Variants in ZNF821 observed in about 807,000 individuals in gnomAD.
ZNF821 encodes zinc finger protein 821.
A neutral mutation model predicts 44.3 loss-of-function variants in ZNF821; 16 were observed. That is an observed-to-expected ratio of 0.36 (90% confidence interval 0.24 to 0.55). ZNF821 has a LOEUF of 0.55. ZNF821 is among the 20% of genes least tolerant of loss of function. The pLI is 0.86. For synonymous variants in ZNF821, 204 were observed against 197.6 expected (o/e 1.03, Z -0.27); for missense variants, 436 against 547.6 (o/e 0.80, Z 2.03).
At chr16:71,892,208 A>AAAGAATC in intron 1 of ZNF821, among the ~76,000 whole-genome samples, 1 of 145,526 alleles carries the variant, frequency 6.9e-6, no homozygotes, top group Non-Finnish European at 1.5e-5. Context: ...AAAAAAAAAA[A>AAAGAATC]AAGAATCATG....
chr16:71,886,076 T>C (rs2036843916), upstream of ZNF821, among the ~76,000 whole-genome samples: 1 of 152,234 alleles, frequency 6.6e-6, no homozygotes, highest in Non-Finnish European at 1.5e-5. Context: ...ATTTCTTGGA[T>C]GCATTATTAT....
At chr16:71,888,872 T>C (rs2036871702), upstream of ZNF821, among the ~76,000 whole-genome samples, 1 of 152,214 alleles carries the variant, frequency 6.6e-6, no homozygotes, top group African/African-American at 2.4e-5. Flanking sequence ...TGTGATTTAA[T>C]GCATTTTATT....
rs1228646483 is a variant in ZNF821 at position 71,868,020 on chromosome 16, C to T, written c.58G>A (p.Gly20Arg). 1 of 1,535,478 alleles carries T rather than the reference C, an allele frequency of 6.5e-7. No individual in the cohort carries two copies. Among genetic ancestry groups the T allele is most frequent in the Non-Finnish European group, 8.7e-7 (1 of 1,146,680 alleles). Residue 20 changes from glycine to arginine, a missense_variant, in exon 4 of 8, where the codon GGG becomes AGG. Gly to Arg is a moderately radical substitution (Grantham distance 125). This residue lies in a region of ZNF821 where 238 missense variants were observed against 281.4 expected (regional missense o/e 0.85). Coordinates refer to ENST00000425432, the MANE Select transcript of ZNF821 (RefSeq NM_001201552.2). Reference sequence around the variant, plus strand: ...GCCTGGCGGGCTTGCTCTTCTAGCCCAGCAAATACTTGATCCCCTGGTGGT... The same window carrying T: ...GCCTGGCGGGCTTGCTCTTCTAGCCTAGCAAATACTTGATCCCCTGGTGGT... ...NKVHWDQVFAGLEEQARQAMM... is the reference protein window; with the variant it reads ...NKVHWDQVFARLEEQARQAMM...
In ZNF821 at chr16:71,860,144, A is replaced by T; in HGVS notation, c.1113T>A (p.Pro371=). ...CAGCTGCTAAGGCTGCCATGGCAGA[A>T]GGGTCCTGGCCAAACTGAGCTCGCA... ...MMLRAQFGQD[P]SAMAALAAEM... The change falls in exon 8 of 8, where the codon CCT becomes CCA. Residue 371 remains proline (P), a synonymous_variant. Transcript: ENST00000425432. The surrounding 1 kb of genome is among the most constrained non-coding windows in gnomAD (Gnocchi z 7.3). The T allele has an allele frequency of 6.2e-7, 1 of 1,614,232 alleles. No homozygotes were observed.
At chr16:71,863,018 C>T (rs563330899) in intron 6 of ZNF821, among the ~76,000 whole-genome samples, 233 of 152,218 alleles carry the variant, frequency 1.5e-3, no homozygotes, top group Non-Finnish European at 2.1e-3. Flanking sequence ...CTCAGCTTCC[C>T]GAGTAGCTGG....
At chr16:71,862,402 G>C (rs2034000327) in intron 6 of ZNF821, among the ~76,000 whole-genome samples, 1 of 152,214 alleles carries the variant, frequency 6.6e-6, no homozygotes. Flanking sequence ...TTGAACCTGA[G>C]AGGTGGAGTT....
At chr16:71,891,901 C>T (rs1325038348) in intron 1 of ZNF821, among the ~76,000 whole-genome samples, 2 of 148,704 alleles carry the variant, frequency 1.3e-5, no homozygotes, top group Non-Finnish European at 3.0e-5. Context: ...GAGGCTGAGG[C>T]AGCAGAATCG....
chr16:71,877,952 A>G (rs1043880536), intron 3 of ZNF821, among the ~76,000 whole-genome samples: 17 of 146,740 alleles, frequency 1.2e-4, no homozygotes, highest in African/African-American at 4.2e-4. Flanking sequence ...ATAAAAAAAT[A>G]AAATATATAT....
chr16:71,894,923 T>G (rs2036931924), exon 1 of ZNF821: 2 of 1,153,862 alleles, frequency 1.7e-6, no homozygotes, highest in South Asian at 2.6e-5. Context: ...GAGACTGTGG[T>G]GCTGAGGAAA....
At chr16:71,879,643 T>A (rs2036216665) in intron 3 of ZNF821, among the ~76,000 whole-genome samples, 1 of 152,176 alleles carries the variant, frequency 6.6e-6, no homozygotes, top group Admixed American at 6.5e-5. Context: ...TAATGTGATA[T>A]TAAAGATATA....
chr16:71,886,818 A>G (rs552546767), upstream of ZNF821, among the ~76,000 whole-genome samples: 4 of 152,162 alleles, frequency 2.6e-5, no homozygotes, highest in Non-Finnish European at 5.9e-5. Context: ...GCAGTAACTC[A>G]CCATTCTCCC....
intron 1 of ZNF821, 49 bp downstream of exon 1, chr16:71,883,859 G>C (rs2036695274): frequency 6.5e-6 from 1 of 152,774 alleles, no homozygotes; most frequent in South Asian, 2.1e-4. Flanking sequence ...GGGGCGAGGA[G>C]CCCGCATCCC....
rs763783028 is a variant in ZNF821, at chr16:71,860,593, C to A, written c.664G>T (p.Asp222Tyr). The change falls in exon 8 of 8, where the codon GAT (aspartate) becomes TAT (tyrosine). Residue 222 changes from aspartate to tyrosine, a missense_variant. By Grantham distance (160) the Asp-to-Tyr change is radical. This residue lies in a region of ZNF821 where 238 missense variants were observed against 281.4 expected (regional missense o/e 0.85). Transcript: ENST00000425432. This position sits in a 1 kb window ranked among gnomAD's most constrained non-coding sequence, Gnocchi z 7.3. Reference protein sequence around the residue: ...NEGPSSAEGKDIAFSPPVYPA... With the variant: ...NEGPSSAEGKYIAFSPPVYPA... Reference sequence around the variant, plus strand: ...TACACTGGAGGACTAAAGGCAATATCCTTCCCCTCAGCACTGGAGGGACCC... The same window carrying A: ...TACACTGGAGGACTAAAGGCAATATACTTCCCCTCAGCACTGGAGGGACCC... 6 of 1,614,130 alleles carry A rather than the reference C, an allele frequency of 3.7e-6. No individual in the cohort carries two copies. The South Asian group carries it at 6.6e-5, about 18-fold the overall frequency.
At chr16:71,886,351 A>G (rs903154698), upstream of ZNF821, among the ~76,000 whole-genome samples, 1 of 152,226 alleles carries the variant, frequency 6.6e-6, no homozygotes, top group Non-Finnish European at 1.5e-5. Flanking sequence ...CTTGGGCCAC[A>G]TAGTGAAACC....
chr16:71,877,997 C>T (rs2036016030), intron 3 of ZNF821, among the ~76,000 whole-genome samples: 1 of 147,034 alleles, frequency 6.8e-6, no homozygotes, highest in Admixed American at 6.8e-5. Flanking sequence ...TATATATATA[C>T]ACACATATAT....
At chr16:71,884,298 G>A (rs952335303), upstream of ZNF821, 4 of 151,866 alleles carry the variant, frequency 2.6e-5, no homozygotes, top group East Asian at 7.8e-4. Context: ...CTGAGGAGAG[G>A]GGCTCTGGAG....
intron 1 of ZNF821, chr16:71,894,605 A>T: frequency 2.0e-6 from 1 of 490,750 alleles, no homozygotes; most frequent in Non-Finnish European, 3.7e-6. Flanking sequence ...GGTTTACTGC[A>T]GCAGCGACCT....
At chr16:71,863,554 T>C (rs1178267617) in intron 6 of ZNF821, among the ~76,000 whole-genome samples, 1 of 151,984 alleles carries the variant, frequency 6.6e-6, no homozygotes, top group Non-Finnish European at 1.5e-5. Context: ...GCCCAACTAA[T>C]TTAAAAAAAA....
Position 71,882,176 on chromosome 16 carries a change from A to G in ZNF821, c.-78+1035T>C, listed in dbSNP as rs530977607. ...TCTCAGCTACTCAGGAGGTTGAGGCAGGGAATTGCTTGAACCCGGGAGGCG... is the reference window on the plus strand; with the variant it reads ...TCTCAGCTACTCAGGAGGTTGAGGCGGGGAATTGCTTGAACCCGGGAGGCG... On this transcript the variant is annotated intron_variant, in intron 2 of 7. Transcript: ENST00000425432. 296 of 151,250 alleles carry G rather than the reference A, an allele frequency of 2.0e-3. 1 individual carries two copies. The highest frequency in any genetic ancestry group is 3.2e-3 in the Non-Finnish European group (219 of 67,886). 9.4% of individuals were successfully genotyped at this position (151,250 alleles called of 1,614,324 possible). A position where few individuals can be genotyped will look rare whatever the true frequency, so the allele number is the denominator to read the frequency against.
Sources: allele counts gnomAD v4.1 joint callset (sites outside exome capture counted in the v4.1 genomes callset), GRCh38; gene constraint gnomAD v4.1.1; regional missense constraint gnomAD v4.1.1; non-coding constraint Gnocchi (gnomAD v3.1); transcripts MANE v1.5; gene names NCBI Gene and HGNC (gene_info 2026-07-23, HGNC 2026-07-21).